The following EHD1 variants were observed in gnomAD, a reference collection of about 807,000 sequenced individuals.
EHD1 encodes EH domain-containing protein 1.
EHD1 carries 19 observed loss-of-function variants against 39.0 expected under a neutral mutation model. The observed-to-expected ratio is 0.49, with a 90% CI of 0.34 to 0.72. The LOEUF is 0.72. EHD1 is among the 30% of genes least tolerant of loss of function. EHD1 has a pLI of 0.01. For synonymous variants in EHD1, 323 were observed against 331.2 expected, an observed-to-expected ratio of 0.98 and a Z score of 0.27; for missense variants, 542 against 751.5, an observed-to-expected ratio of 0.72 and a Z score of 3.26.
rs763660911 is a variant in EHD1, at chr11:64,854,380, C to T, written c.1558G>A (p.Asp520Asn). The part of the protein sequence containing the change: ...VKLEGHELPA[D>N]LPPHLVPPSK... ...GGCGGCACCAGGTGCGGGGGCAGGT[C>T]GGCGGGCAGCTCGTGGCCCTCCAGC... Residue 520 changes from aspartate to asparagine, a missense_variant, in exon 5 of 5, where the codon GAC becomes AAC. Coordinates refer to ENST00000320631, the MANE Select transcript of EHD1 (RefSeq NM_006795.4). The T allele has an allele frequency of 3.7e-6, 6 of 1,613,118 alleles. No individual in the cohort carries two copies. Among genetic ancestry groups the T allele is most frequent in the East Asian group, 2.2e-5 (1 of 44,876 alleles).
rs142323286 is a variant in EHD1 at position 64,860,145 on chromosome 11, C to G, written c.694G>C (p.Val232Leu). The change falls in exon 3 of 5, where the codon GTG becomes CTG. Residue 232 changes from valine to leucine, a missense_variant. By Grantham distance (32) the Val-to-Leu change is conservative. Coordinates refer to ENST00000320631, the MANE Select transcript of EHD1 (RefSeq NM_006795.4). ...AGGGACCACATGAGGGCCCCGTACACCCGCATCAGCTGCTGCGTCTCGATC... is the reference window on the plus strand; with the variant it reads ...AGGGACCACATGAGGGCCCCGTACAGCCGCATCAGCTGCTGCGTCTCGATC... ...DQIETQQLMR[V>L]YGALMWSLGK... 6.2e-7 allele frequency: 1 copy of G among 1,614,040 alleles called. No individual in the cohort carries two copies. Among genetic ancestry groups the G allele is most frequent in the Non-Finnish European group, 8.5e-7 (1 of 1,180,048 alleles).
rs1943583221 is a variant in EHD1 at position 64,851,648 on chromosome 11, G to A, written c.*2685C>T. 6.6e-6 allele frequency: 1 copy of A among 152,314 alleles called. No individual in the cohort carries two copies. The highest frequency in any genetic ancestry group is 2.4e-5 in the African/African-American group (1 of 41,446). The allele number at this position is 152,314 out of a possible 1,614,324, so 9.4% of individuals were successfully genotyped here. ...AGCTTTCAGGACCCCAGGCTGGAGTGACAGCATTTAACCTTTAATGTGGGT... is the reference window on the plus strand; with the variant it reads ...AGCTTTCAGGACCCCAGGCTGGAGTAACAGCATTTAACCTTTAATGTGGGT... On this transcript the variant is annotated 3_prime_UTR_variant, in exon 5 of 5. Coordinates refer to ENST00000320631, the MANE Select transcript of EHD1 (RefSeq NM_006795.4).
upstream of EHD1, chr11:64,879,588 G>C: frequency 6.4e-7 from 1 of 1,550,880 alleles, no homozygotes; most frequent in Non-Finnish European, 8.7e-7. Context: ...CATTTACTGG[G>C]ATCTGTGCCC....
rs375558320 is a variant in EHD1, at chr11:64,868,957, G to T, written c.502+5464C>A. Among the ~76,000 whole-genome samples, 21 of 152,192 alleles carry T rather than the reference G, an allele frequency of 1.4e-4. No individual in the cohort carries two copies. The highest frequency in any genetic ancestry group is 8.8e-5 in the Non-Finnish European group (6 of 68,038). On this transcript the variant is annotated intron_variant, in intron 2 of 4. Transcript: ENST00000320631. This position sits in a 1 kb window ranked among gnomAD's most constrained non-coding sequence, Gnocchi z 4.2. ...TTCCCAGCTTCTCAGTCTGTAACAC[G>T]AAGATAGTAGGTTTCCAGCTTGGAG... is the stretch of plus-strand genomic sequence containing the variant.
intron 2 of EHD1, among the ~76,000 whole-genome samples, chr11:64,873,104 G>C (rs1943847074): frequency 6.6e-6 from 1 of 152,144 alleles, no homozygotes; most frequent in Non-Finnish European, 1.5e-5. Context: ...ACCCGTCTGT[G>C]AAAAAGGGGC....
upstream of EHD1, chr11:64,879,024 C>T: frequency 2.0e-6 from 2 of 997,026 alleles, no homozygotes; most frequent in Non-Finnish European, 2.4e-6. Context: ...GCGCCGCGCC[C>T]GCCGTTCGCC....
At chr11:64,863,084 A>C (rs1943732007) in intron 2 of EHD1, among the ~76,000 whole-genome samples, 1 of 152,136 alleles carries the variant, frequency 6.6e-6, no homozygotes, top group Non-Finnish European at 1.5e-5. Flanking sequence ...CAGTCTTCCC[A>C]CAGGTCCCAG....
At chr11:64,861,709 C>G (rs1943718441) in intron 2 of EHD1, among the ~76,000 whole-genome samples, 1 of 152,142 alleles carries the variant, frequency 6.6e-6, no homozygotes, top group Non-Finnish European at 1.5e-5. Context: ...GTCGTTGTGA[C>G]AGAAACTATA....
intron 2 of EHD1, 23 bp downstream of exon 2, chr11:64,874,398 G>C (rs1193709769): frequency 6.4e-7 from 1 of 1,563,634 alleles, no homozygotes. Flanking sequence ...CCAGCAGCCC[G>C]AGCTGTGGTC....
At chr11:64,871,063 T>C (rs1197777693) in intron 2 of EHD1, among the ~76,000 whole-genome samples, 1 of 151,526 alleles carries the variant, frequency 6.6e-6, no homozygotes, top group Non-Finnish European at 1.5e-5. Flanking sequence ...ATTAGGACCA[T>C]GGGGAAAGGG....
At position 64,874,522 on chromosome 11, in the gene EHD1, C is replaced by A. The variant is rs751162795; in HGVS notation, c.405-4G>T. ...GGGCAGCTGGGCACACATGAACCTA[C>A]ATGAGAGCAAGAGCCAGAAGAGAGG... On this transcript the variant is annotated splice_polypyrimidine_tract_variant and splice_region_variant and intron_variant, in intron 1 of 4. Coordinates refer to ENST00000320631, the MANE Select transcript of EHD1 (RefSeq NM_006795.4). The A allele has an allele frequency of 6.2e-7, 1 of 1,600,470 alleles. No homozygotes were observed. The highest frequency in any genetic ancestry group is 8.5e-7 in the Non-Finnish European group (1 of 1,173,752).
chr11:64,871,169 A>G (rs1250239508), intron 2 of EHD1, among the ~76,000 whole-genome samples: 1 of 152,220 alleles, frequency 6.6e-6, no homozygotes, highest in Non-Finnish European at 1.5e-5. Flanking sequence ...GGCCTCCACA[A>G]GGACATGTTT....
intron 2 of EHD1, among the ~76,000 whole-genome samples, chr11:64,872,712 G>C (rs78055179): frequency 0.075 from 11,485 of 152,206 alleles, 668 homozygotes; most frequent in African/African-American, 0.16. Context: ...CCAGATGAGG[G>C]CCAGTGATTT....
At chr11:64,864,380 G>A (rs867235694) in intron 2 of EHD1, among the ~76,000 whole-genome samples, 2 of 152,228 alleles carry the variant, frequency 1.3e-5, no homozygotes, top group African/African-American at 2.4e-5. Context: ...ACAAGGCCCC[G>A]GGCACCCGGA....
chr11:64,855,164 C>G, intron 4 of EHD1, 158 bp downstream of exon 4: 1 of 1,206,680 alleles, frequency 8.3e-7, no homozygotes, highest in Non-Finnish European at 1.1e-6. Flanking sequence ...CCGCCTGGGT[C>G]AACTCTGAGT....
intron 3 of EHD1, among the ~76,000 whole-genome samples, chr11:64,858,025 CCTTT>C (rs1410037186): frequency 3.9e-5 from 4 of 101,470 alleles, no homozygotes; most frequent in African/African-American, 1.2e-4. Context: ...ACGGCAAGGG[CCTTT>C]TTTTTTTTTT....
intron 2 of EHD1, among the ~76,000 whole-genome samples, chr11:64,870,945 C>CGTCCCTGAGGCAGTCCTCAGGG (rs1226959737): frequency 6.6e-6 from 1 of 152,184 alleles, no homozygotes; most frequent in African/African-American, 2.4e-5. Context: ...GCCCCCTTCT[C>CGTCCCTGAGGCAGTCCTCAGGG]GTCCCTGAGG....
chr11:64,879,673 C>G, upstream of EHD1: 1 of 1,550,392 alleles, frequency 6.4e-7, no homozygotes, highest in African/African-American at 1.4e-5. Flanking sequence ...CACACAGACC[C>G]CTTTGGCTGT....
chr11:64,877,662 G>C (rs1178820574), intron 1 of EHD1, among the ~76,000 whole-genome samples: 1 of 142,504 alleles, frequency 7.0e-6, no homozygotes, highest in Non-Finnish European at 1.5e-5. Flanking sequence ...TGACACTTAA[G>C]AAGACAGGGA....
Sources: gnomAD v4.1 joint callset for allele counts (sites outside exome capture counted in the v4.1 genomes callset) on GRCh38, gnomAD v4.1.1 for gene constraint, Gnocchi (gnomAD v3.1) non-coding constraint, MANE v1.5 for transcripts, NCBI Gene and HGNC (gene_info 2026-07-23, HGNC 2026-07-21) for gene names.